AGBL4: variants seen among roughly 807,000 people sequenced by gnomAD.
AGBL4 encodes cytosolic carboxypeptidase 6.
Under a neutral mutation model 66.4 loss-of-function variants are expected in AGBL4, and 58 were observed. The observed-to-expected ratio is 0.87, with a 90% CI of 0.71 to 1.09. The LOEUF (loss-of-function observed/expected upper bound fraction) is 1.09. Ranked by LOEUF, AGBL4 falls within the 50% of genes least tolerant of loss-of-function variation. The pLI, the probability that AGBL4 is intolerant of heterozygous loss-of-function variation, is 0.00. For missense variants in AGBL4, 579 were observed against 631.0 expected (o/e 0.92, Z 0.88); for synonymous variants, 234 against 222.9 (o/e 1.05, Z -0.44).
At chr1:49,623,930 G>A (rs192615917) in intron 3 of AGBL4, among the ~76,000 whole-genome samples, 58 of 152,066 alleles carry the variant, frequency 3.8e-4, no homozygotes, top group African/African-American at 1.3e-3. Context: ...TTACTCACAC[G>A]GTTGGGGTCC....
At chr1:49,341,501 C>G (rs974193060) in intron 3 of AGBL4, among the ~76,000 whole-genome samples, 2 of 152,148 alleles carry the variant, frequency 1.3e-5, no homozygotes, top group African/African-American at 4.8e-5. Flanking sequence ...GTTAGGACTT[C>G]CGAACTTAGG....
rs1053256708 is a variant in AGBL4 at position 49,729,650 on chromosome 1, C to T, written c.158-32213G>A. Among the ~76,000 whole-genome samples the T allele has an allele frequency of 5.9e-5, 9 of 152,018 alleles. 1 individual carries two copies. The highest frequency in any genetic ancestry group is 1.2e-4 in the Non-Finnish European group (8 of 68,014). On this transcript the variant is annotated intron_variant, in intron 2 of 13. Coordinates refer to ENST00000371839, the MANE Select transcript of AGBL4 (RefSeq NM_032785.4). ...GTGGACATACGGAAGAAACTGATGT[C>T]GGAAGACCCAGGTTAAACATCTAGC...
At chr1:49,195,180 C>T (rs541266564) in intron 4 of AGBL4, among the ~76,000 whole-genome samples, 9 of 152,090 alleles carry the variant, frequency 5.9e-5, no homozygotes, top group African/African-American at 1.2e-4. Flanking sequence ...TGTGGTTTTG[C>T]GGAGTTCTGT....
chr1:49,936,609 G>A (rs1252484019), intron 1 of AGBL4, among the ~76,000 whole-genome samples: 1 of 152,184 alleles, frequency 6.6e-6, no homozygotes, highest in Non-Finnish European at 1.5e-5. Context: ...TACCCACAAA[G>A]GGAAGCCCAT....
intron 3 of AGBL4, among the ~76,000 whole-genome samples, chr1:49,607,821 T>C (rs1571162302): frequency 6.6e-6 from 1 of 152,254 alleles, no homozygotes; most frequent in Non-Finnish European, 1.5e-5. Context: ...TTCTCCTTTA[T>C]AGCTCATAGA....
At chr1:49,002,258 T>A (rs1322643459) in intron 5 of AGBL4, among the ~76,000 whole-genome samples, 2 of 152,302 alleles carry the variant, frequency 1.3e-5, no homozygotes. Flanking sequence ...GATCTAGATC[T>A]TGAATGGTCA....
intron 6 of AGBL4, among the ~76,000 whole-genome samples, chr1:48,745,864 GCCCCTACTCTA>G (rs1190034132): frequency 6.6e-6 from 1 of 151,834 alleles, no homozygotes; most frequent in Non-Finnish European, 1.5e-5. Flanking sequence ...CCACCCCTCT[GCCCCTACTCTA>G]CCATAATAAT....
chr1:49,372,627 C>CTTTCTTTCTTTCTTT (rs1557878412), intron 3 of AGBL4, among the ~76,000 whole-genome samples: 11 of 113,626 alleles, frequency 9.7e-5, no homozygotes, highest in Non-Finnish European at 1.9e-4. Context: ...TTCTTTCTTT[C>CTTTCTTTCTTTCTTT]TTTCTTTCTT....
chr1:49,750,507 G>A (rs1411822048), intron 2 of AGBL4, among the ~76,000 whole-genome samples: 1 of 152,166 alleles, frequency 6.6e-6, no homozygotes, highest in Non-Finnish European at 1.5e-5. Flanking sequence ...TTGCAGTATA[G>A]TCTGAAGTCA....
chr1:49,045,779 A>G lies in AGBL4; in HGVS notation c.399T>C (p.Asn133=). 1 of 1,551,306 alleles carries G rather than the reference A, an allele frequency of 6.4e-7. No homozygotes were observed. Among genetic ancestry groups the G allele is most frequent in the Non-Finnish European group, 8.7e-7 (1 of 1,146,638 alleles). Residue 133 remains asparagine (N), a synonymous_variant, in exon 5 of 14, where the codon AAT becomes AAC. Transcript: ENST00000371839. ...RPKWQRLPPK[N]VYYYRCPDHR... ...GGTCCGGGCAGCGGTAGTAGTAAAC[A>G]TTTTTGGGTGGCAGCCTTTGCCTAA...
chr1:48,578,860 G>C (rs974128664), intron 11 of AGBL4, among the ~76,000 whole-genome samples: 1 of 151,974 alleles, frequency 6.6e-6, no homozygotes, highest in African/African-American at 2.4e-5. Flanking sequence ...TTTATGAGGG[G>C]GTCAGGGGCA....
At chr1:48,710,600 A>G (rs908645050) in intron 6 of AGBL4, among the ~76,000 whole-genome samples, 14 of 152,170 alleles carry the variant, frequency 9.2e-5, no homozygotes, top group Non-Finnish European at 1.8e-4. Context: ...AGCAGGAGAA[A>G]GACTGGTTAG....
At chr1:49,691,922 C>T (rs554656690) in intron 3 of AGBL4, among the ~76,000 whole-genome samples, 3 of 152,240 alleles carry the variant, frequency 2.0e-5, no homozygotes, top group African/African-American at 7.2e-5. Context: ...TTCCTTGCTC[C>T]TCAGCCTGCA....
chr1:49,068,590 A>G lies in AGBL4; in HGVS notation c.378-22790T>C, dbSNP rs185323252. 7.7e-3 allele frequency among the ~76,000 whole-genome samples: 1,174 copies of G among 152,232 alleles called. 46 individuals carry two copies. The highest frequency in any genetic ancestry group is 0.059 in the Admixed American group (895 of 15,292). On this transcript the variant is annotated intron_variant, in intron 4 of 13. Coordinates refer to ENST00000371839, the MANE Select transcript of AGBL4 (RefSeq NM_032785.4). The stretch of plus-strand genomic sequence containing the variant: ...GTTTTTTATGGCTGCATAGTATTCC[A>G]TGGTGTATATGTGCCACATTTTCTT...
At chr1:49,821,075 C>T (rs1188908679) in intron 2 of AGBL4, among the ~76,000 whole-genome samples, 1 of 152,082 alleles carries the variant, frequency 6.6e-6, no homozygotes, top group Non-Finnish European at 1.5e-5. Flanking sequence ...TCCCACTAGC[C>T]CCTGAGGTCT....
chr1:48,981,196 C>G (rs1659739595), intron 5 of AGBL4, among the ~76,000 whole-genome samples: 1 of 152,138 alleles, frequency 6.6e-6, no homozygotes, highest in Non-Finnish European at 1.5e-5. Flanking sequence ...AGGCCTGGGC[C>G]TTAGTTATCT....
Position 48,768,328 on chromosome 1 carries a change from A to T in AGBL4, c.634+98863T>A, listed in dbSNP as rs137876500. Reference sequence around the variant, plus strand: ...GCCAAACTCCTGAACTACAAGGCTTATGGAAGCCACAAAGCTCTAAATAAT... The same window carrying T: ...GCCAAACTCCTGAACTACAAGGCTTTTGGAAGCCACAAAGCTCTAAATAAT... On this transcript the variant is annotated intron_variant, in intron 6 of 13. Coordinates refer to ENST00000371839, the MANE Select transcript of AGBL4 (RefSeq NM_032785.4). 1.0e-3 allele frequency among the ~76,000 whole-genome samples: 156 copies of T among 152,326 alleles called. 2 individuals carry two copies. In the South Asian group the frequency reaches 0.025, roughly 25 times the overall value.
chr1:48,646,039 T>A (rs540649128), intron 8 of AGBL4, among the ~76,000 whole-genome samples: 2 of 152,218 alleles, frequency 1.3e-5, no homozygotes, highest in South Asian at 4.2e-4. Flanking sequence ...GAATAATCCT[T>A]CAGAGGGCGA....
intron 3 of AGBL4, among the ~76,000 whole-genome samples, chr1:49,427,013 C>T (rs571272626): frequency 2.0e-5 from 3 of 152,118 alleles, no homozygotes; most frequent in Non-Finnish European, 4.4e-5. Flanking sequence ...ACTTTCCTCT[C>T]GTGAGCTTAC....
Sources: allele counts gnomAD v4.1 joint callset (sites outside exome capture counted in the v4.1 genomes callset), GRCh38; gene constraint gnomAD v4.1.1; transcripts MANE v1.5; gene names NCBI Gene and HGNC (gene_info 2026-07-23, HGNC 2026-07-21).